Variants in EXOC4 observed in about 807,000 individuals in gnomAD.
EXOC4 encodes SEC8-like 1.
Under a neutral mutation model 107.2 loss-of-function variants are expected in EXOC4, and 71 were observed. The ratio of observed to expected loss-of-function variants is 0.66; its 90% CI spans 0.55 to 0.81. The LOEUF (loss-of-function observed/expected upper bound fraction) is 0.81, where lower values mean the gene tolerates loss of function less well. Among genes scored for constraint, EXOC4 ranks in the 30% least tolerant of loss-of-function variants. The pLI is 0.00. For synonymous variants in EXOC4, 456 were observed against 441.2 expected (o/e 1.03, Z -0.42); for missense variants, 1,108 against 1,189.6 (o/e 0.93, Z 1.01).
intron 10 of EXOC4, among the ~76,000 whole-genome samples, chr7:133,803,728 A>G (rs759959927): frequency 6.6e-5 from 10 of 152,296 alleles, no homozygotes; most frequent in Middle Eastern, 6.8e-3. Flanking sequence ...ATACTTTTCT[A>G]TATCTCAGAT....
chr7:133,442,205 A>G (rs1316431002), intron 7 of EXOC4, among the ~76,000 whole-genome samples: 1 of 152,184 alleles, frequency 6.6e-6, no homozygotes, highest in Non-Finnish European at 1.5e-5. Context: ...TATACTGGGC[A>G]TAGCTGGTGA....
intron 9 of EXOC4, among the ~76,000 whole-genome samples, chr7:133,485,695 A>G (rs1048223515): frequency 1.3e-5 from 2 of 152,142 alleles, no homozygotes; most frequent in Non-Finnish European, 2.9e-5. Context: ...ACATTTCAGT[A>G]CCTAGGATAA....
intron 10 of EXOC4, among the ~76,000 whole-genome samples, chr7:133,810,579 A>G (rs932493720): frequency 2.0e-5 from 3 of 148,194 alleles, no homozygotes; most frequent in Non-Finnish European, 4.4e-5. Context: ...AATTTAGACG[A>G]TAAGATCCAT....
At chr7:133,815,928 C>T (rs1185646493) in intron 10 of EXOC4, among the ~76,000 whole-genome samples, 3 of 152,170 alleles carry the variant, frequency 2.0e-5, no homozygotes, top group Admixed American at 2.0e-4. Flanking sequence ...TTGGCCAATT[C>T]CCTCTTTCAT....
At chr7:133,361,055 A>G (rs1355231788) in intron 6 of EXOC4, among the ~76,000 whole-genome samples, 1 of 152,200 alleles carries the variant, frequency 6.6e-6, no homozygotes, top group South Asian at 2.1e-4. Context: ...CACCTGACCC[A>G]TAATAAATAT....
At chr7:133,365,140 C>T (rs1023415341) in intron 6 of EXOC4, among the ~76,000 whole-genome samples, 3 of 152,100 alleles carry the variant, frequency 2.0e-5, no homozygotes, top group African/African-American at 7.2e-5. Context: ...ACTTGAGAAT[C>T]AAATTTTATT....
intron 14 of EXOC4, among the ~76,000 whole-genome samples, chr7:133,967,011 T>C (rs867177237): frequency 6.6e-6 from 1 of 152,232 alleles, no homozygotes; most frequent in Non-Finnish European, 1.5e-5. Context: ...GAACTTGTTA[T>C]AGGTCTATTC....
At chr7:133,740,364 A>G (rs1168583849) in intron 10 of EXOC4, among the ~76,000 whole-genome samples, 1 of 152,184 alleles carries the variant, frequency 6.6e-6, no homozygotes, top group African/African-American at 2.4e-5. Flanking sequence ...TAGCATGTAC[A>G]TTAATACTAA....
chr7:133,436,608 T>A (rs894087119), intron 7 of EXOC4, among the ~76,000 whole-genome samples: 1 of 152,108 alleles, frequency 6.6e-6, no homozygotes, highest in Non-Finnish European at 1.5e-5. Flanking sequence ...GGGGACCTGA[T>A]CAAAGAAATA....
At chr7:133,678,298 T>G (rs1358430613) in intron 10 of EXOC4, among the ~76,000 whole-genome samples, 1 of 152,176 alleles carries the variant, frequency 6.6e-6, no homozygotes, top group East Asian at 1.9e-4. Flanking sequence ...GATAAGAACT[T>G]GAGCATGGTT....
chr7:133,876,347 A>G (rs1377822705), intron 11 of EXOC4, among the ~76,000 whole-genome samples: 1 of 151,996 alleles, frequency 6.6e-6, no homozygotes, highest in Non-Finnish European at 1.5e-5. Flanking sequence ...TTCAGGGGAC[A>G]TCATTACCTC....
chr7:133,590,798 T>G (rs1247467824), intron 9 of EXOC4, among the ~76,000 whole-genome samples: 12 of 152,212 alleles, frequency 7.9e-5, no homozygotes. Flanking sequence ...AATTCATTCC[T>G]GTGACTTGAT....
chr7:133,654,859 CATT>C (rs1385608089), intron 10 of EXOC4, among the ~76,000 whole-genome samples: 2 of 152,264 alleles, frequency 1.3e-5, no homozygotes, highest in East Asian at 3.9e-4. Context: ...CTGTTCTGAA[CATT>C]ATAGGCAGTT....
chr7:133,474,376 C>T (rs1798957608), intron 7 of EXOC4, among the ~76,000 whole-genome samples: 1 of 152,050 alleles, frequency 6.6e-6, no homozygotes, highest in Non-Finnish European at 1.5e-5. Context: ...AGTGCAGTGG[C>T]ATGATCTCGG....
At chr7:133,883,614 G>C (rs1307257720) in intron 11 of EXOC4, among the ~76,000 whole-genome samples, 1 of 151,928 alleles carries the variant, frequency 6.6e-6, no homozygotes, top group African/African-American at 2.4e-5. Flanking sequence ...CTGCACTCCA[G>C]TCTGACCCCA....
chr7:133,676,955 GTA>G (rs374649147), intron 10 of EXOC4, among the ~76,000 whole-genome samples: 14,947 of 92,126 alleles, frequency 0.16, 848 homozygotes, highest in Middle Eastern at 0.22. Flanking sequence ...GTGTGTGTGT[GTA>G]TGTGTGTGTG....
At chr7:133,713,041 T>C (rs1794926935) in intron 10 of EXOC4, among the ~76,000 whole-genome samples, 1 of 152,202 alleles carries the variant, frequency 6.6e-6, no homozygotes, top group African/African-American at 2.4e-5. Flanking sequence ...GAGGTGGTGA[T>C]AGCAAAATAT....
chr7:133,269,010 C>T (rs1793801770), intron 1 of EXOC4, among the ~76,000 whole-genome samples: 1 of 152,008 alleles, frequency 6.6e-6, no homozygotes, highest in Non-Finnish European at 1.5e-5. Context: ...ATTTATAAGT[C>T]ATAATCATTT....
intron 7 of EXOC4, among the ~76,000 whole-genome samples, chr7:133,446,900 T>C (rs1017638151): frequency 5.9e-5 from 9 of 152,202 alleles, no homozygotes; most frequent in Non-Finnish European, 1.2e-4. Context: ...GGCATTAGCC[T>C]AGAGCTTAGC....
Sources: gnomAD v4.1 joint callset for allele counts (sites outside exome capture counted in the v4.1 genomes callset) on GRCh38, gnomAD v4.1.1 for gene constraint, MANE v1.5 for transcripts, NCBI Gene and HGNC (gene_info 2026-07-23, HGNC 2026-07-21) for gene names.